Variants in ERBB4 observed in about 807,000 individuals in gnomAD.
ERBB4 encodes receptor tyrosine-protein kinase erbB-4.
In ERBB4, 42 loss-of-function variants were observed where a neutral mutation model predicts 158.0. That is an observed-to-expected ratio of 0.27 (90% CI 0.21 to 0.34). The LOEUF is 0.34. ERBB4 is among the 10% of genes least tolerant of loss of function. The pLI is 1.00. For synonymous variants in ERBB4, 583 were observed against 558.7 expected, an observed-to-expected ratio of 1.04 and a Z score of -0.61; for missense variants, 1,333 against 1,624.1, an observed-to-expected ratio of 0.82 and a Z score of 3.08.
intron 1 of ERBB4, among the ~76,000 whole-genome samples, chr2:212,244,729 T>G (rs1357597189): frequency 6.6e-6 from 1 of 152,182 alleles, no homozygotes; most frequent in Non-Finnish European, 1.5e-5. Flanking sequence ...TTTATCTATC[T>G]TCTACAGTCT....
At position 212,507,716 on chromosome 2, in the gene ERBB4, A is replaced by G. The variant is rs568649060; in HGVS notation, c.82+30733T>C. ...TCATGATCAAATGAACAGATGAGGA[A>G]TTGCTTCTTATGGATGAACAAAGAA... On this transcript the variant is annotated intron_variant, in intron 1 of 27. Coordinates refer to ENST00000342788, the MANE Select transcript of ERBB4 (RefSeq NM_005235.3). Among the ~76,000 whole-genome samples the G allele has an allele frequency of 2.0e-5, 3 of 152,300 alleles. No individual in the cohort carries two copies. The South Asian group carries it at 6.2e-4, about 32-fold the overall frequency.
chr2:212,272,874 G>C (rs555539911), intron 1 of ERBB4, among the ~76,000 whole-genome samples: 10 of 151,396 alleles, frequency 6.6e-5, no homozygotes, highest in Non-Finnish European at 1.3e-4. Context: ...TTACGTATTT[G>C]AACACAGTTT....
intron 1 of ERBB4, among the ~76,000 whole-genome samples, chr2:212,258,729 T>G (rs2084830077): frequency 6.6e-6 from 1 of 151,356 alleles, no homozygotes; most frequent in Non-Finnish European, 1.5e-5. Flanking sequence ...CTGGACATTA[T>G]TTAGCTAGTG....
intron 2 of ERBB4, among the ~76,000 whole-genome samples, chr2:212,026,025 T>C (rs60599619): frequency 0.13 from 19,979 of 151,518 alleles, 1,799 homozygotes; most frequent in African/African-American, 0.25. Context: ...AGGACAAAAA[T>C]AAATAATAGA....
At chr2:211,602,364 C>T (rs978645175) in intron 19 of ERBB4, among the ~76,000 whole-genome samples, 1 of 152,040 alleles carries the variant, frequency 6.6e-6, no homozygotes. Context: ...GCGTACTTTG[C>T]TTGGGCTCTA....
intron 1 of ERBB4, among the ~76,000 whole-genome samples, chr2:212,482,734 A>G (rs1689767049): frequency 6.6e-6 from 1 of 152,140 alleles, no homozygotes; most frequent in Admixed American, 6.5e-5. Flanking sequence ...CCCCTGCCTC[A>G]GCCTCTTGAG....
chr2:211,575,810 A>C (rs1410782997), intron 19 of ERBB4, among the ~76,000 whole-genome samples: 2 of 152,176 alleles, frequency 1.3e-5, no homozygotes, highest in Non-Finnish European at 2.9e-5. Context: ...TAAAACAGTG[A>C]GTGACTTTAA....
chr2:212,516,821 G>A (rs553539045), intron 1 of ERBB4, among the ~76,000 whole-genome samples: 29 of 152,236 alleles, frequency 1.9e-4, no homozygotes, highest in Non-Finnish European at 3.8e-4. Context: ...CTTGGTCTTT[G>A]TCTTTGTACA....
intron 25 of ERBB4, among the ~76,000 whole-genome samples, chr2:211,416,813 CT>C (rs60021795): frequency 0.22 from 31,735 of 141,972 alleles, 4,912 homozygotes; most frequent in African/African-American, 0.46. Flanking sequence ...GAAGCCTTCC[CT>C]TTTTTTTTTT....
At chr2:212,284,631 A>G (rs2106158681) in intron 1 of ERBB4, among the ~76,000 whole-genome samples, 1 of 152,244 alleles carries the variant, frequency 6.6e-6, no homozygotes, top group South Asian at 2.1e-4. Context: ...TATTTGACAG[A>G]CTATTTGAGT....
At chr2:211,544,676 C>T (rs2066897028) in intron 20 of ERBB4, among the ~76,000 whole-genome samples, 1 of 152,024 alleles carries the variant, frequency 6.6e-6, no homozygotes, top group South Asian at 2.1e-4. Flanking sequence ...GTGTTAGGTA[C>T]TTTGCATACA....
rs545858744 is a variant in ERBB4 at position 212,338,508 on chromosome 2, C to T, written c.82+199941G>A. ...AATAGTTCAAAGTATAAAAACACTT[C>T]ACCAGATAAATGTTTTACCTATTTT... On this transcript the variant is annotated intron_variant, in intron 1 of 27. Coordinates refer to ENST00000342788, the MANE Select transcript of ERBB4 (RefSeq NM_005235.3). 5.3e-5 allele frequency among the ~76,000 whole-genome samples: 8 copies of T among 152,240 alleles called. No homozygotes were observed. The South Asian group carries it at 1.7e-3, about 32-fold the overall frequency.
At chr2:211,553,260 C>G (rs112022960) in intron 20 of ERBB4, among the ~76,000 whole-genome samples, 52 of 152,208 alleles carry the variant, frequency 3.4e-4, no homozygotes, top group African/African-American at 1.2e-3. Flanking sequence ...TGAGCCACCA[C>G]GCCCAGCCCA....
intron 19 of ERBB4, among the ~76,000 whole-genome samples, chr2:211,613,496 A>T (rs72943053): frequency 0.025 from 3,750 of 151,354 alleles, 73 homozygotes; most frequent in Middle Eastern, 0.038. Context: ...AATGGGAGAA[A>T]ATATTTGCAA....
intron 1 of ERBB4, among the ~76,000 whole-genome samples, chr2:212,413,667 T>C (rs1306330814): frequency 6.6e-6 from 1 of 152,152 alleles, no homozygotes; most frequent in African/African-American, 2.4e-5. Flanking sequence ...GGCCCTGGGC[T>C]TGAAATCATT....
At chr2:211,465,581 CAGTT>C (rs2064660367) in intron 20 of ERBB4, among the ~76,000 whole-genome samples, 1 of 151,976 alleles carries the variant, frequency 6.6e-6, no homozygotes, top group African/African-American at 2.4e-5. Flanking sequence ...GCCTAAATGA[CAGTT>C]AGTACATAAG....
At chr2:211,583,596 C>G (rs1285757617) in intron 19 of ERBB4, among the ~76,000 whole-genome samples, 1 of 150,942 alleles carries the variant, frequency 6.6e-6, no homozygotes, top group Non-Finnish European at 1.5e-5. Context: ...AACAATATAC[C>G]TATTAAAAAA....
At chr2:211,783,077 TC>T (rs1238481525) in intron 4 of ERBB4, among the ~76,000 whole-genome samples, 1 of 152,170 alleles carries the variant, frequency 6.6e-6, no homozygotes, top group Non-Finnish European at 1.5e-5. Context: ...CTTGAAGAGG[TC>T]CTTCACATCC....
intron 1 of ERBB4, among the ~76,000 whole-genome samples, chr2:212,223,424 TA>T (rs1334845611): frequency 3.5e-4 from 27 of 76,510 alleles, no homozygotes; most frequent in South Asian, 9.3e-4. Context: ...TATATATATA[TA>T]TATTTTTTTT....
Sources: gnomAD v4.1 joint callset for allele counts (sites outside exome capture counted in the v4.1 genomes callset) on GRCh38, gnomAD v4.1.1 for gene constraint, MANE v1.5 for transcripts, NCBI Gene and HGNC (gene_info 2026-07-23, HGNC 2026-07-21) for gene names.